Variants in MYZAP observed in about 807,000 individuals in gnomAD.
MYZAP encodes myocardial zonula adherens protein.
Under a neutral mutation model 69.4 loss-of-function variants are expected in MYZAP, and 66 were observed. The ratio of observed to expected loss-of-function variants is 0.95; its 90% CI spans 0.78 to 1.17. The LOEUF is 1.17. MYZAP is among the 50% of genes most tolerant of loss of function. The pLI is 0.00. For missense variants in MYZAP, 611 were observed against 556.2 expected, an observed-to-expected ratio of 1.10 and a Z score of -0.99; for synonymous variants, 256 against 205.9, an observed-to-expected ratio of 1.24 and a Z score of -2.09.
intron 12 of MYZAP, 131 bp downstream of exon 12, chr15:57,675,199 C>G: frequency 1.2e-6 from 1 of 847,342 alleles, no homozygotes; most frequent in Non-Finnish European, 1.8e-6. Context: ...CGAGTGGTGG[C>G]TGCTGAGAGG....
chr15:57,634,818 T>A (rs1347404253), intron 8 of MYZAP, among the ~76,000 whole-genome samples: 1 of 152,206 alleles, frequency 6.6e-6, no homozygotes, highest in Non-Finnish European at 1.5e-5. Flanking sequence ...CAGAATCCCA[T>A]CTTTTATTGA....
At chr15:57,651,421 A>G (rs1329447253) in intron 10 of MYZAP, among the ~76,000 whole-genome samples, 3 of 152,160 alleles carry the variant, frequency 2.0e-5, no homozygotes, top group African/African-American at 7.2e-5. Flanking sequence ...AGGACAGCCT[A>G]AAGAATTAGG....
chr15:57,626,470 G>C (rs138143999), intron 5 of MYZAP, among the ~76,000 whole-genome samples: 299 of 152,256 alleles, frequency 2.0e-3, no homozygotes, highest in African/African-American at 7.0e-3. Flanking sequence ...TTGTTTTCTT[G>C]GTTGATTTGG....
chr15:57,648,574 T>A, intron 10 of MYZAP: 1 of 666,302 alleles, frequency 1.5e-6, no homozygotes, highest in Non-Finnish European at 1.9e-6. Flanking sequence ...TCTTAAAAAA[T>A]AAGTAGCTGG....
intron 5 of MYZAP, among the ~76,000 whole-genome samples, chr15:57,628,955 C>T (rs192511920): frequency 6.6e-6 from 1 of 151,810 alleles, no homozygotes; most frequent in Non-Finnish European, 1.5e-5. Flanking sequence ...TGGTGGCAGG[C>T]GCCTGTAGTC....
At chr15:57,680,474 G>C (rs2039372839) in intron 12 of MYZAP, among the ~76,000 whole-genome samples, 1 of 140,464 alleles carries the variant, frequency 7.1e-6, no homozygotes. Context: ...ACTCACTGTG[G>C]GTTCAGGAGT....
intron 12 of MYZAP, among the ~76,000 whole-genome samples, chr15:57,678,041 C>CAAAAAAAAAAAAAAAAAAAAA (rs56102709): frequency 8.6e-6 from 1 of 116,272 alleles, no homozygotes; most frequent in African/African-American, 3.5e-5. Flanking sequence ...TTATCTCTAC[C>CAAAAAAAAAAAAAAAAAAAAA]AAAAAAAAAA....
chr15:57,675,116 G>A (rs889229583), intron 12 of MYZAP, 48 bp downstream of exon 12: 2 of 1,514,302 alleles, frequency 1.3e-6, no homozygotes, highest in Admixed American at 1.8e-5. Flanking sequence ...TTCCTCTTTG[G>A]CTGAAGAAAA....
At position 57,621,634 on chromosome 15, in the gene MYZAP, A is replaced by G. The variant is rs1280310110; in HGVS notation, c.345A>G (p.Arg115=). The change falls in exon 4 of 13, where the codon AGA becomes AGG. Residue 115 remains arginine, a synonymous_variant. Transcript: ENST00000267853. ...KDVRATLEKV[R]KRMYGDYDEM... ...TGAGAGCCACTTTGGAAAAGGTGAG[A>G]AAGCGAATGTATGGAGACTATGATG... 6.2e-7 allele frequency: 1 copy of G among 1,613,864 alleles called. No homozygotes were observed. Among genetic ancestry groups the G allele is most frequent in the Non-Finnish European group, 8.5e-7 (1 of 1,179,806 alleles).
chr15:57,672,544 CTT>C (rs1245284417), intron 11 of MYZAP, among the ~76,000 whole-genome samples: 2 of 152,160 alleles, frequency 1.3e-5, no homozygotes, highest in African/African-American at 4.8e-5. Context: ...AGCCCCCACT[CTT>C]TAGCTGAATA....
intron 1 of MYZAP, among the ~76,000 whole-genome samples, chr15:57,595,042 G>C (rs1297849554): frequency 2.0e-5 from 3 of 152,214 alleles, no homozygotes; most frequent in Non-Finnish European, 4.4e-5. Flanking sequence ...AAGCCAACCA[G>C]AAGTGGTGGT....
rs1595882307 is a variant in MYZAP, at chr15:57,625,864, C to T, written c.497C>T (p.Ala166Val). 1 of 1,614,148 alleles carries T rather than the reference C, an allele frequency of 6.2e-7. No individual in the cohort carries two copies. Among genetic ancestry groups the T allele is most frequent in the East Asian group, 2.2e-5 (1 of 44,880 alleles). ...ALDRFNAMNS[A>V]LASDSIGLQK... is the part of the protein sequence containing the mutation. ...GATCGTTTTAATGCCATGAACTCAG[C>T]CTTGGCATCAGATTCCATTGGCCTG... The change falls in exon 5 of 13, where the codon GCC (alanine) becomes GTC (valine). Residue 166 changes from alanine (A) to valine (V), a missense_variant. Ala to Val is a moderately conservative substitution (Grantham distance 64). Transcript: ENST00000267853.
chr15:57,648,605 A>G, intron 10 of MYZAP: 1 of 326,096 alleles, frequency 3.1e-6, no homozygotes, highest in East Asian at 1.7e-4. Flanking sequence ...GCAAATAATG[A>G]TGGTGCTGCA....
chr15:57,621,602 C>G lies in MYZAP; in HGVS notation c.319-6C>G, dbSNP rs57874684. ...GATCTCTAACTAGTATCTTTGTGGG[C>G]TACAGGTGAGAGCCACTTTGGAAAA... On this transcript the variant is annotated splice_polypyrimidine_tract_variant and splice_region_variant and intron_variant, in intron 3 of 12. Coordinates refer to ENST00000267853, the MANE Select transcript of MYZAP (RefSeq NM_001018100.5). The G allele has an allele frequency of 1.2e-6, 2 of 1,612,366 alleles. No homozygotes were observed. The highest frequency in any genetic ancestry group is 2.7e-5 in the African/African-American group (2 of 74,894).
At chr15:57,630,828 G>A (rs1329242136) in intron 6 of MYZAP, among the ~76,000 whole-genome samples, 3 of 152,318 alleles carry the variant, frequency 2.0e-5, no homozygotes, top group East Asian at 1.9e-4. Context: ...TATGAGTAGC[G>A]TATCCACATA....
chr15:57,635,552 C>A (rs538219576), intron 8 of MYZAP, among the ~76,000 whole-genome samples: 3 of 152,238 alleles, frequency 2.0e-5, no homozygotes, highest in Non-Finnish European at 4.4e-5. Flanking sequence ...ACAAAACCTT[C>A]CCCAAGTGGT....
At chr15:57,620,998 A>G (rs2035769814) in intron 3 of MYZAP, among the ~76,000 whole-genome samples, 1 of 147,888 alleles carries the variant, frequency 6.8e-6, no homozygotes, top group African/African-American at 2.5e-5. Flanking sequence ...ATTAATATAT[A>G]TTAGCATATA....
At chr15:57,643,473 A>G (rs1487929194) in intron 10 of MYZAP, among the ~76,000 whole-genome samples, 2 of 152,350 alleles carry the variant, frequency 1.3e-5, no homozygotes, top group Middle Eastern at 3.4e-3. Flanking sequence ...AAAAAGTAAG[A>G]GAGCATCCTG....
intron 4 of MYZAP, among the ~76,000 whole-genome samples, chr15:57,622,270 C>G (rs1333101758): frequency 4.0e-5 from 6 of 151,878 alleles, no homozygotes; most frequent in Admixed American, 3.3e-4. Context: ...TACTACATAC[C>G]TAGGAGTCAA....
Sources: gnomAD v4.1 joint callset for allele counts (sites outside exome capture counted in the v4.1 genomes callset) on GRCh38, gnomAD v4.1.1 for gene constraint, MANE v1.5 for transcripts, NCBI Gene and HGNC (gene_info 2026-07-23, HGNC 2026-07-21) for gene names.